Variants in RILPL1 observed in about 807,000 individuals in gnomAD.
RILPL1 encodes the protein Rab interacting lysosomal protein like 1.
In RILPL1, 33 loss-of-function variants were observed where a neutral mutation model predicts 50.3. The ratio of observed to expected loss-of-function variants is 0.66; its 90% confidence interval spans 0.50 to 0.88. The LOEUF (loss-of-function observed/expected upper bound fraction) is 0.88, where lower values mean the gene tolerates loss of function less well. Among genes scored for constraint, RILPL1 ranks in the 40% least tolerant of loss-of-function variants. The pLI, the probability that RILPL1 is intolerant of heterozygous loss-of-function variation, is 0.00. For synonymous variants in RILPL1, 205 were observed against 228.6 expected (o/e 0.90, Z 0.93); for missense variants, 418 against 542.5 (o/e 0.77, Z 2.28).
At chr12:123,499,396 A>G (rs1468854493) in intron 3 of RILPL1, 22 bp downstream of exon 3, 1 of 1,566,150 alleles carries the variant, frequency 6.4e-7, no homozygotes, top group Non-Finnish European at 8.8e-7. Context: ...GGGTGGACGC[A>G]GGTCAGGGGT....
intron 1 of RILPL1, among the ~76,000 whole-genome samples, chr12:123,528,702 A>G (rs4930717): frequency 0.17 from 26,281 of 152,120 alleles, 2,424 homozygotes; most frequent in Middle Eastern, 0.24. Context: ...CTGGGATTAC[A>G]GGCTTGAGCC....
rs78286829 is a variant in RILPL1, at chr12:123,491,654, T to G, written c.802-5849A>C. Among the ~76,000 whole-genome samples, 3,748 of 152,326 alleles carry G rather than the reference T, an allele frequency of 0.025. 75 individuals carry two copies. Among genetic ancestry groups the G allele is most frequent in the Admixed American group, 0.062 (951 of 15,296 alleles). The stretch of plus-strand genomic sequence containing the variant: ...GCCCGCCTTTCAGCCAGCATACGCC[T>G]GTCTGCTTTCCCTATGCAGGCAGCC... On this transcript the variant is annotated intron_variant, in intron 4 of 6. Transcript: ENST00000376874. The surrounding 1 kb of genome is among the most constrained non-coding windows in gnomAD (Gnocchi z 4.0).
In RILPL1 at chr12:123,491,405, G is replaced by A. The variant is rs1342380147; in HGVS notation, c.802-5600C>T. 2.0e-5 allele frequency among the ~76,000 whole-genome samples: 3 copies of A among 152,196 alleles called. No homozygotes were observed. Among genetic ancestry groups the A allele is most frequent in the Non-Finnish European group, 2.9e-5 (2 of 68,024 alleles). On this transcript the variant is annotated intron_variant, in intron 4 of 6. Transcript: ENST00000376874. This position sits in a 1 kb window ranked among gnomAD's most constrained non-coding sequence, Gnocchi z 4.0. ...CCCAAGAGACCAACTAACAAGCCAC[G>A]AGGCTGCCCAGAGGCCTTAGGGAGG... is the stretch of plus-strand genomic sequence containing the variant.
Position 123,533,383 on chromosome 12 carries a change from C to T in RILPL1, c.100G>A (p.Val34Met). Residue 34 changes from valine to methionine, a missense_variant, in exon 1 of 7, where the codon GTG becomes ATG. By Grantham distance (21) the Val-to-Met change is conservative. Coordinates refer to ENST00000376874, the MANE Select transcript of RILPL1 (RefSeq NM_178314.5). The surrounding 1 kb of genome is among the most constrained non-coding windows in gnomAD (Gnocchi z 6.2). The part of the protein sequence containing the change: ...VMDVYDIASL[V>M]GHEFERVIDQ... ...ATGACCCGCTCGAACTCGTGGCCCA[C>T]AAGCGACGCGATGTCGTACACGTCC... 6.4e-7 allele frequency: 1 copy of T among 1,563,546 alleles called. No individual in the cohort carries two copies. The highest frequency in any genetic ancestry group is 1.9e-5 in the Admixed American group (1 of 53,182).
Position 123,523,494 on chromosome 12 carries a change from C to G in RILPL1, c.460+1G>C. 1 of 1,613,998 alleles carries G rather than the reference C, an allele frequency of 6.2e-7. No individual in the cohort carries two copies. The highest frequency in any genetic ancestry group is 8.5e-7 in the Non-Finnish European group (1 of 1,179,888). Reference sequence around the variant, plus strand: ...TTGCATTGGCGCCGACCCCCACTTACCTTCATGCTTCTGGAACTCCTCCTC... The same window carrying G: ...TTGCATTGGCGCCGACCCCCACTTAGCTTCATGCTTCTGGAACTCCTCCTC... On this transcript the variant is annotated splice_donor_variant, in intron 2 of 6. Coordinates refer to ENST00000376874, the MANE Select transcript of RILPL1 (RefSeq NM_178314.5). LOFTEE classifies it high-confidence loss of function.
chr12:123,499,189 G>A (rs754136608), intron 3 of RILPL1, among the ~76,000 whole-genome samples: 1 of 152,178 alleles, frequency 6.6e-6, no homozygotes, highest in Non-Finnish European at 1.5e-5. Flanking sequence ...ACCTTCCCAG[G>A]AGGCGGGAGG....
intron 2 of RILPL1, chr12:123,513,298 G>A (rs1036443346): frequency 1.2e-5 from 4 of 325,032 alleles, no homozygotes; most frequent in Non-Finnish European, 2.6e-5. Context: ...CCGACCCCCC[G>A]CCTGCCATTT....
rs972428850 is a variant in RILPL1 at position 123,492,542 on chromosome 12, C to A, written c.801+6002G>T. The stretch of plus-strand genomic sequence containing the variant: ...AGTGCATGGCATATGAATTACATCT[C>A]AATAAGGAAGTTATAAAAATAGAAA... On this transcript the variant is annotated intron_variant, in intron 4 of 6. Coordinates refer to ENST00000376874, the MANE Select transcript of RILPL1 (RefSeq NM_178314.5). Among the ~76,000 whole-genome samples, 3 of 152,206 alleles carry A rather than the reference C, an allele frequency of 2.0e-5. No homozygotes were observed. In the South Asian group the frequency reaches 6.2e-4, roughly 32 times the overall value.
intron 4 of RILPL1, among the ~76,000 whole-genome samples, chr12:123,487,884 C>T (rs976994220): frequency 6.6e-6 from 1 of 152,192 alleles, no homozygotes; most frequent in African/African-American, 2.4e-5. Context: ...ACATTCCCAC[C>T]AGCAATGCAC....
chr12:123,495,508 G>A (rs1223197807), intron 4 of RILPL1, among the ~76,000 whole-genome samples: 2 of 150,256 alleles, frequency 1.3e-5, no homozygotes, highest in Non-Finnish European at 3.0e-5. Flanking sequence ...CCGAGTAGCT[G>A]GGACTACAGG....
At position 123,472,899 on chromosome 12, in the gene RILPL1, G is replaced by A. The variant is rs114746659; in HGVS notation, c.1068-217C>T. On this transcript the variant is annotated intron_variant, in intron 6 of 6. Coordinates refer to ENST00000376874, the MANE Select transcript of RILPL1 (RefSeq NM_178314.5). ...GACACGGTACCTTGGAGGTCACGCG[G>A]TATGGGCAAGGCATGCATGCTGATG... 1,337 of 537,664 alleles carry A rather than the reference G, an allele frequency of 2.5e-3. 12 individuals are homozygous for A. Among genetic ancestry groups the A allele is most frequent in the African/African-American group, 0.023 (1,202 of 52,594 alleles). The allele number at this position is 537,664 out of a possible 1,614,324, so 33.3% of individuals were successfully genotyped here. A position where few individuals can be genotyped will look rare whatever the true frequency, so the allele number is the denominator to read the frequency against.
intron 4 of RILPL1, among the ~76,000 whole-genome samples, chr12:123,492,499 T>G (rs921620371): frequency 3.9e-5 from 6 of 152,096 alleles, no homozygotes; most frequent in African/African-American, 1.2e-4. Context: ...ACAGTGGTGA[T>G]GAGGACACAA....
chr12:123,474,781 A>T (rs1305265195), intron 6 of RILPL1: 1 of 152,226 alleles, frequency 6.6e-6, no homozygotes, highest in African/African-American at 2.4e-5. Context: ...GCCACTGCGA[A>T]ATCAAAGCTT....
intron 6 of RILPL1, among the ~76,000 whole-genome samples, chr12:123,483,960 G>A (rs1216408008): frequency 3.3e-5 from 5 of 151,972 alleles, no homozygotes; most frequent in African/African-American, 9.7e-5. Context: ...CTCCCCTCTC[G>A]CCTCCCGCAC....
Position 123,485,936 on chromosome 12 carries a change from C to A in RILPL1, c.802-131G>T. On this transcript the variant is annotated intron_variant, in intron 4 of 6. Transcript: ENST00000376874. The surrounding 1 kb of genome is among the most constrained non-coding windows in gnomAD (Gnocchi z 4.0). ...CCTGTGGAGGGTGCTATTTTCAGCA[C>A]TCGCAGGCGGCCCTTGCTCACGTTC... is the stretch of plus-strand genomic sequence containing the variant. The A allele has an allele frequency of 1.2e-6, 1 of 869,146 alleles. No homozygotes were observed. Among genetic ancestry groups the A allele is most frequent in the South Asian group, 2.0e-5 (1 of 50,762 alleles). 53.8% of individuals were successfully genotyped at this position (869,146 alleles called of 1,614,324 possible). A position where few individuals can be genotyped will look rare whatever the true frequency, so the allele number is the denominator to read the frequency against.
Position 123,498,394 on chromosome 12 carries a change from A to T in RILPL1, c.801+150T>A, listed in dbSNP as rs1193471925. 17 of 677,208 alleles carry T rather than the reference A, an allele frequency of 2.5e-5. No individual in the cohort carries two copies. Among genetic ancestry groups the T allele is most frequent in the Middle Eastern group, 4.1e-4 (1 of 2,466 alleles). 41.9% of individuals were successfully genotyped at this position (677,208 alleles called of 1,614,324 possible). ...ACCACCACGCGTGGCTAATTAAAAAAAATGTTTGTAGAGAATTGGGGTCTT... is the reference window on the plus strand; with the variant it reads ...ACCACCACGCGTGGCTAATTAAAAATAATGTTTGTAGAGAATTGGGGTCTT... On this transcript the variant is annotated intron_variant, in intron 4 of 6. Coordinates refer to ENST00000376874, the MANE Select transcript of RILPL1 (RefSeq NM_178314.5). This position sits in a 1 kb window ranked among gnomAD's most constrained non-coding sequence, Gnocchi z 4.3.
intron 2 of RILPL1, among the ~76,000 whole-genome samples, chr12:123,506,061 G>A (rs1172943973): frequency 6.6e-6 from 1 of 152,224 alleles, no homozygotes; most frequent in Non-Finnish European, 1.5e-5. Flanking sequence ...TACAGACCAA[G>A]TTGAGTGCCG....
chr12:123,511,395 G>GTAGTGTCA (rs1491142204), intron 2 of RILPL1, among the ~76,000 whole-genome samples: 1 of 146,620 alleles, frequency 6.8e-6, no homozygotes, highest in Admixed American at 6.8e-5. Context: ...TGTGGTGTGT[G>GTAGTGTCA]AGGTCTGTGT....
intron 6 of RILPL1, 27 bp from the exon 7 acceptor site, chr12:123,472,709 A>G: frequency 1.9e-6 from 3 of 1,584,420 alleles, no homozygotes; most frequent in Non-Finnish European, 2.6e-6. Flanking sequence ...AAACACAGAA[A>G]TGAGAGCTGA....
Sources: gnomAD v4.1 joint callset for allele counts (sites outside exome capture counted in the v4.1 genomes callset) on GRCh38, gnomAD v4.1.1 for gene constraint, Gnocchi (gnomAD v3.1) non-coding constraint, MANE v1.5 for transcripts, NCBI Gene and HGNC (gene_info 2026-07-23, HGNC 2026-07-21) for gene names.